The following RBMX variants were observed in gnomAD, a reference collection of about 807,000 sequenced individuals.
RBMX encodes RNA-binding motif protein, X chromosome.
A neutral mutation model predicts 29.3 loss-of-function variants in RBMX; 1 was observed. The ratio of observed to expected loss-of-function variants is 0.03; its 90% CI spans 0.01 to 0.16. RBMX has a LOEUF of 0.16. Among genes scored for constraint, RBMX ranks in the 10% least tolerant of loss-of-function variants. RBMX has a pLI of 1.00. For missense variants in RBMX, 121 were observed against 333.2 expected (o/e 0.36, Z 4.96); for synonymous variants, 102 against 102.3 (o/e 1.00, Z 0.02).
intron 1 of RBMX, among the ~76,000 whole-genome samples, chrX:136,880,067 C>A (rs775657518): frequency 4.5e-5 from 5 of 112,212 alleles, no homozygotes; most frequent in Non-Finnish European, 5.6e-5. Flanking sequence ...CACTAACACT[C>A]GACACTCCGT....
chrX:136,878,705 G>T (rs1270250145), intron 3 of RBMX, among the ~76,000 whole-genome samples: 1 of 72,085 alleles, frequency 1.4e-5, no homozygotes, highest in Non-Finnish European at 2.4e-5. Flanking sequence ...AGTGGGCACT[G>T]CACCATTGCA....
chrX:136,873,199 A>T (rs969837960), downstream of RBMX: 1 of 112,567 alleles, frequency 8.9e-6, no homozygotes, highest in Non-Finnish European at 1.9e-5. Flanking sequence ...GAGGAAGGTA[A>T]GTGTTCAATT....
chrX:136,872,893 A>C (rs1051789645), downstream of RBMX: 1 of 111,460 alleles, frequency 9.0e-6, no homozygotes, highest in Admixed American at 9.6e-5. Flanking sequence ...ATATTGACTA[A>C]AAGACTAATT....
intron 1 of RBMX, among the ~76,000 whole-genome samples, chrX:136,879,920 T>C (rs143759413): frequency 9.0e-6 from 1 of 111,456 alleles, no homozygotes; most frequent in African/African-American, 3.3e-5. Flanking sequence ...CAAGGAGAAA[T>C]GTGAAGTTTA....
downstream of RBMX, chrX:136,869,548 A>C (rs1227812060): frequency 5.4e-5 from 6 of 111,960 alleles, no homozygotes; most frequent in East Asian, 1.7e-3. Flanking sequence ...AAGTAATCGT[A>C]AGAGTATAGA....
downstream of RBMX, chrX:136,869,695 AAGAC>A (rs2077673959): frequency 9.1e-6 from 1 of 109,712 alleles, no homozygotes; most frequent in African/African-American, 3.4e-5. Flanking sequence ...TGTTCCAAAT[AAGAC>A]AGTGCCATAA....
At chrX:136,878,670 G>A (rs1398926318) in intron 3 of RBMX, among the ~76,000 whole-genome samples, 1 of 38,435 alleles carries the variant, frequency 2.6e-5, no homozygotes, top group Non-Finnish European at 4.4e-5. Context: ...CAGAAAAATC[G>A]CTTAGAACTC....
chrX:136,875,917 T>C (rs772646591), intron 5 of RBMX, among the ~76,000 whole-genome samples: 1 of 108,941 alleles, frequency 9.2e-6, no homozygotes, highest in Non-Finnish European at 1.9e-5. Flanking sequence ...TTCTCCTGCC[T>C]CAGCCTCCCG....
At position 136,878,095 on chromosome X, in the gene RBMX, AAAGATACGATT is replaced by A. The variant is rs2077753335; in HGVS notation, c.217-20_217-10del. On this transcript the variant is annotated splice_polypyrimidine_tract_variant and intron_variant, in intron 3 of 8. Coordinates refer to ENST00000320676, the MANE Select transcript of RBMX (RefSeq NM_002139.4). ...GCTTTTCCATCTAATGACTAAAAAA[AAAGATACGATT>A]AAATTAAATCAAGATTTAAAAATAA... The A allele has an allele frequency of 8.9e-7, 1 of 1,128,835 alleles. No homozygotes were observed. Among genetic ancestry groups the A allele is most frequent in the Non-Finnish European group, 1.2e-6 (1 of 841,114 alleles). 93.0% of individuals were successfully genotyped at this position (1,128,835 alleles called of 1,213,427 possible).
intron 4 of RBMX, 60 bp from the exon 5 acceptor site, chrX:136,876,715 A>AC: frequency 2.1e-6 from 2 of 942,565 alleles, no homozygotes; most frequent in Non-Finnish European, 2.8e-6. Flanking sequence ...AAGATATAAA[A>AC]GTTTTTTTTT....
At chrX:136,876,001 C>T (rs1271943302) in intron 5 of RBMX, among the ~76,000 whole-genome samples, 1 of 110,735 alleles carries the variant, frequency 9.0e-6, no homozygotes, top group African/African-American at 3.3e-5. Context: ...AGGGTTTCAC[C>T]ACGTTGGCCA....
intron 8 of RBMX, 59 bp downstream of exon 8, chrX:136,875,027 G>A (rs2077712501): frequency 8.3e-7 from 1 of 1,199,467 alleles, no homozygotes; most frequent in East Asian, 3.0e-5. Context: ...CTAATAAACT[G>A]GCTCACGAAC....
downstream of RBMX, chrX:136,873,109 T>C (rs1422702608): frequency 9.1e-6 from 1 of 110,066 alleles, no homozygotes; most frequent in Non-Finnish European, 1.9e-5. Context: ...CGCTATTGAA[T>C]ATTTCTTTTT....
downstream of RBMX, among the ~76,000 whole-genome samples, chrX:136,870,651 T>C (rs1244246087): frequency 1.9e-5 from 2 of 105,028 alleles, no homozygotes; most frequent in Non-Finnish European, 3.9e-5. Flanking sequence ...GCCAACACAG[T>C]GAAACCCTGT....
intron 8 of RBMX, 166 bp downstream of exon 8, chrX:136,874,920 C>G: frequency 1.0e-6 from 1 of 982,576 alleles, no homozygotes; most frequent in Non-Finnish European, 1.3e-6. Flanking sequence ...CTTAGAAAAA[C>G]AAAAAAAGCC....
At chrX:136,870,658 C>G (rs190995646), downstream of RBMX, among the ~76,000 whole-genome samples, 2 of 108,603 alleles carry the variant, frequency 1.8e-5, no homozygotes, top group South Asian at 8.1e-4. Flanking sequence ...CAGTGAAACC[C>G]TGTCTCTACA....
downstream of RBMX, among the ~76,000 whole-genome samples, chrX:136,871,311 T>C (rs1300623089): frequency 9.6e-6 from 1 of 104,700 alleles, no homozygotes; most frequent in Admixed American, 1.0e-4. Context: ...CGTGGCAGTG[T>C]GCACCTGTAG....
chrX:136,879,878 C>G (rs1401762016), intron 1 of RBMX, among the ~76,000 whole-genome samples: 3 of 111,786 alleles, frequency 2.7e-5, no homozygotes, highest in African/African-American at 9.8e-5. Flanking sequence ...CCAACGACTC[C>G]TCTTTTCCTC....
Position 136,874,156 on chromosome X carries a change from T to C in RBMX, c.1162A>G (p.Arg388Gly), listed in dbSNP as rs936977524. The change falls in exon 9 of 9, where the codon AGA (arginine) becomes GGA (glycine). Residue 388 changes from arginine to glycine, a missense_variant. Arg to Gly is a moderately radical substitution (Grantham distance 125). Transcript: ENST00000320676. Reference sequence around the variant, plus strand: ...TTTGTTTGTTTCTAGTATCTGCTTCTGCCTCCCCCTCTATCAGATCGGCTT... The same window carrying C: ...TTTGTTTGTTTCTAGTATCTGCTTCCGCCTCCCCCTCTATCAGATCGGCTT... ...GGSRSDRGGG[R>G]SRY is the part of the protein sequence containing the mutation. 8.3e-7 allele frequency: 1 copy of C among 1,201,610 alleles called. No homozygotes were observed. The highest frequency in any genetic ancestry group is 2.2e-5 in the Admixed American group (1 of 44,841).
Sources: allele counts gnomAD v4.1 joint callset (sites outside exome capture counted in the v4.1 genomes callset), GRCh38; gene constraint gnomAD v4.1.1; transcripts MANE v1.5; gene names NCBI Gene and HGNC (gene_info 2026-07-23, HGNC 2026-07-21).